Variants in SEMA3D observed in about 807,000 individuals in gnomAD.
The protein encoded by SEMA3D is semaphorin 3D, also known as semaphorin-3D.
In SEMA3D, 84 loss-of-function variants were observed where a neutral mutation model predicts 100.1. That is an observed-to-expected ratio of 0.84 (90% CI 0.70 to 1.01). SEMA3D has a LOEUF of 1.01. SEMA3D is among the 50% of genes least tolerant of loss of function. The pLI, the probability that SEMA3D is intolerant of heterozygous loss-of-function variation, is 0.00. For synonymous variants in SEMA3D, 312 were observed against 320.7 expected (o/e 0.97, Z 0.29); for missense variants, 875 against 934.1 (o/e 0.94, Z 0.82).
chr7:85,033,396 T>G (rs1252507350), intron 12 of SEMA3D, among the ~76,000 whole-genome samples: 1 of 152,120 alleles, frequency 6.6e-6, no homozygotes, highest in African/African-American at 2.4e-5. Flanking sequence ...TGAGTTCTCT[T>G]TAAGCCTCGC....
the SEMA3D span, among the ~76,000 whole-genome samples, chr7:85,231,436 C>CTT: frequency 1.6e-3 from 183 of 117,856 alleles, 3 homozygotes; most frequent in Non-Finnish European, 2.0e-3. Context: ...CAATCTTTCC[C>CTT]TTTTTTTTTT....
intron 2 of SEMA3D, among the ~76,000 whole-genome samples, chr7:85,125,456 C>T (rs1789541212): frequency 6.6e-6 from 1 of 152,022 alleles, no homozygotes; most frequent in Admixed American, 6.6e-5. Flanking sequence ...TTCCTTGTAA[C>T]CAAACTCATT....
chr7:85,165,897 G>A (rs1473561121), intron 1 of SEMA3D, among the ~76,000 whole-genome samples: 2 of 151,964 alleles, frequency 1.3e-5, no homozygotes, highest in African/African-American at 2.4e-5. Context: ...AATATTCAGA[G>A]AAGATGCTAA....
chr7:85,166,043 C>G (rs1332586785), intron 1 of SEMA3D, among the ~76,000 whole-genome samples: 4 of 151,854 alleles, frequency 2.6e-5, no homozygotes, highest in Admixed American at 2.6e-4. Flanking sequence ...GAGGAAGGTG[C>G]CAAGAATACG....
intron 2 of SEMA3D, among the ~76,000 whole-genome samples, chr7:85,138,618 T>C (rs1447055720): frequency 6.9e-6 from 1 of 144,748 alleles, no homozygotes; most frequent in Non-Finnish European, 1.5e-5. Context: ...TAATATATAA[T>C]TTATAATATA....
rs983105196 is a variant in SEMA3D at position 85,168,639 on chromosome 7, T to A, written c.-172-14900A>T. Among the ~76,000 whole-genome samples, 653 of 129,982 alleles carry A rather than the reference T, an allele frequency of 5.0e-3. 5 individuals carry two copies. The highest frequency in any genetic ancestry group is 0.012 in the Admixed American group (153 of 12,884). The allele number at this position is 129,982 out of a possible 152,430, so 85.3% of individuals were successfully genotyped here. ...GCAATTTTTTTTTTTTTTTTTTTTT[T>A]AATTTTAATTACTTTTGCACCAACC... On this transcript the variant is annotated intron_variant, in intron 1 of 18. Coordinates refer to ENST00000284136, the MANE Select transcript of SEMA3D (RefSeq NM_001384900.1).
intron 2 of SEMA3D, among the ~76,000 whole-genome samples, chr7:85,134,980 T>C (rs1789816083): frequency 6.6e-6 from 1 of 151,618 alleles, no homozygotes; most frequent in Non-Finnish European, 1.5e-5. Flanking sequence ...TCTGGGTATC[T>C]TTTTGCAAGT....
At chr7:85,018,196 G>T in intron 15 of SEMA3D, 56 bp downstream of exon 15, 1 of 1,015,428 alleles carries the variant, frequency 9.8e-7, no homozygotes, top group Non-Finnish European at 1.5e-6. Flanking sequence ...AATAAAGTTT[G>T]ATTCAAGCAG....
chr7:85,139,072 A>G (rs937816285), intron 2 of SEMA3D, among the ~76,000 whole-genome samples: 25 of 152,120 alleles, frequency 1.6e-4, no homozygotes, highest in Non-Finnish European at 2.9e-4. Flanking sequence ...TGAGATTGCC[A>G]AGGGAAGAAA....
At chr7:85,069,205 G>A (rs1791706405) in intron 6 of SEMA3D, among the ~76,000 whole-genome samples, 1 of 152,118 alleles carries the variant, frequency 6.6e-6, no homozygotes, top group African/African-American at 2.4e-5. Flanking sequence ...GGACCATTCA[G>A]TGCAACTTAT....
At chr7:85,118,167 T>C (rs897181632) in intron 3 of SEMA3D, among the ~76,000 whole-genome samples, 14 of 152,152 alleles carry the variant, frequency 9.2e-5, no homozygotes, top group African/African-American at 3.1e-4. Flanking sequence ...TAATTTCAGA[T>C]ATAATTTTCA....
intron 4 of SEMA3D, among the ~76,000 whole-genome samples, chr7:85,081,860 T>C (rs1470015187): frequency 6.6e-6 from 1 of 152,220 alleles, no homozygotes; most frequent in Non-Finnish European, 1.5e-5. Context: ...AGCTTTATCA[T>C]GATGTCAACA....
chr7:85,173,538 G>A (rs1791143163), intron 1 of SEMA3D, among the ~76,000 whole-genome samples: 1 of 152,090 alleles, frequency 6.6e-6, no homozygotes, highest in African/African-American at 2.4e-5. Flanking sequence ...AGGCCACCAA[G>A]GGGCTGTTCT....
chr7:85,233,254 G>T, the SEMA3D span, among the ~76,000 whole-genome samples: 1 of 151,260 alleles, frequency 6.6e-6, no homozygotes, highest in Non-Finnish European at 1.5e-5. Context: ...AAAAAAAAAA[G>T]ATGTTACTTG....
chr7:85,109,778 G>A (rs1476766449), intron 3 of SEMA3D, among the ~76,000 whole-genome samples: 3 of 151,868 alleles, frequency 2.0e-5, no homozygotes, highest in Non-Finnish European at 2.9e-5. Context: ...AAATCTCACT[G>A]TGAAAATTCC....
intron 1 of SEMA3D, among the ~76,000 whole-genome samples, chr7:85,178,883 C>G (rs1468032415): frequency 1.3e-5 from 2 of 152,142 alleles, no homozygotes; most frequent in Admixed American, 1.3e-4. Context: ...CAGCCTTGGA[C>G]TTGGTGCCCT....
chr7:85,050,021 G>A (rs371732219), intron 9 of SEMA3D, among the ~76,000 whole-genome samples: 2 of 149,954 alleles, frequency 1.3e-5, no homozygotes, highest in East Asian at 4.0e-4. Context: ...AAGTCTCACC[G>A]AAAGAACTAG....
At chr7:85,061,773 A>C (rs1354558260) in intron 8 of SEMA3D, among the ~76,000 whole-genome samples, 2 of 152,090 alleles carry the variant, frequency 1.3e-5, no homozygotes, top group Non-Finnish European at 2.9e-5. Context: ...GGACTGGGGA[A>C]CTCCTGAATG....
chr7:85,211,244 A>G, the SEMA3D span, among the ~76,000 whole-genome samples: 10 of 152,034 alleles, frequency 6.6e-5, no homozygotes, highest in Non-Finnish European at 1.3e-4. Flanking sequence ...ATGAGACCCA[A>G]TTCTAAACAT....
Sources: allele counts gnomAD v4.1 joint callset (sites outside exome capture counted in the v4.1 genomes callset), GRCh38; gene constraint gnomAD v4.1.1; transcripts MANE v1.5; gene names NCBI Gene and HGNC (gene_info 2026-07-23, HGNC 2026-07-21).